The following MSL3 variants were observed in gnomAD, a reference collection of about 807,000 sequenced individuals.
MSL3 encodes MSL3-like 1.
A neutral mutation model predicts 37.2 loss-of-function variants in MSL3; 5 were observed. That is an observed-to-expected ratio of 0.13 (90% confidence interval 0.07 to 0.28). MSL3 has a LOEUF of 0.28. Among genes scored for constraint, MSL3 ranks in the 10% least tolerant of loss-of-function variants. The pLI, the probability that MSL3 is intolerant of heterozygous loss-of-function variation, is 1.00. For missense variants in MSL3, 315 were observed against 408.5 expected (o/e 0.77, Z 1.97); for synonymous variants, 149 against 147.6 (o/e 1.01, Z -0.07).
intron 10 of MSL3, among the ~76,000 whole-genome samples, chrX:11,769,959 C>T (rs113981378): frequency 0.075 from 8,409 of 112,036 alleles, 503 homozygotes; most frequent in African/African-American, 0.21. Context: ...TTCTTCCAGA[C>T]GATAACTGTC....
chrX:11,765,317 G>A (rs762730796), intron 8 of MSL3, 150 bp from the exon 9 acceptor site: 8 of 578,205 alleles, frequency 1.4e-5, no homozygotes, highest in East Asian at 7.0e-5. Context: ...TAATGCCAGC[G>A]TGCCTTGCAG....
At chrX:11,772,391 A>C (rs2053239970) in intron 11 of MSL3, 136 bp downstream of exon 11, 10 of 527,244 alleles carry the variant, frequency 1.9e-5, no homozygotes, top group South Asian at 3.5e-5. Context: ...AAAGTAATCT[A>C]TCAAAGAAAA....
chrX:11,769,828 A>G (rs1323740919), intron 10 of MSL3, among the ~76,000 whole-genome samples: 1 of 111,124 alleles, frequency 9.0e-6, no homozygotes, highest in Non-Finnish European at 1.9e-5. Flanking sequence ...CTGGTCACCA[A>G]CTCCTGAGCT....
rs930572009 is a variant in MSL3, at chrX:11,759,804, T to C, written c.114T>C (p.Val38=). 8.3e-7 allele frequency: 1 copy of C among 1,210,161 alleles called. No individual in the cohort carries two copies. Among genetic ancestry groups the C allele is most frequent in the Non-Finnish European group, 1.1e-6 (1 of 894,803 alleles). ...TTTCTTCGTTTCAGATTGTTGATGT[T>C]ATTGTTGGGAAAGACGAAAAAGGCA... ...RVLYDAKIVD[V]IVGKDEKGRK... The change falls in exon 2 of 13, where the codon GTT becomes GTC. Residue 38 remains valine, a synonymous_variant. Transcript: ENST00000312196.
chrX:11,770,962 C>T (rs5935160), intron 10 of MSL3, among the ~76,000 whole-genome samples: 16,094 of 111,560 alleles, frequency 0.14, 899 homozygotes, highest in Middle Eastern at 0.2. Flanking sequence ...GATGCTGGAA[C>T]GATCCCTTCC....
In MSL3 at chrX:11,772,312, C is replaced by T. The variant is rs781669370; in HGVS notation, c.1381+57C>T. On this transcript the variant is annotated intron_variant, in intron 11 of 12. Coordinates refer to ENST00000312196, the MANE Select transcript of MSL3 (RefSeq NM_078629.4). ...TTTTCATTTTGTATTCTCTTGTTAG[C>T]TTTCTGTACACCTTGTGGTTTGGGC... The T allele has an allele frequency of 1.0e-5, 10 of 969,464 alleles. No individual in the cohort carries two copies. The Middle Eastern group carries it at 8.0e-4, about 77-fold the overall frequency. 79.9% of individuals were successfully genotyped at this position (969,464 alleles called of 1,213,427 possible).
chrX:11,758,421 G>C, intron 1 of MSL3, 56 bp downstream of exon 1: 1 of 935,429 alleles, frequency 1.1e-6, no homozygotes, highest in Non-Finnish European at 1.4e-6. Context: ...GGGACCGGGG[G>C]CGGGGGCGGG....
chrX:11,770,569 C>T (rs2053224101), intron 10 of MSL3, among the ~76,000 whole-genome samples: 1 of 111,188 alleles, frequency 9.0e-6, no homozygotes, highest in Non-Finnish European at 1.9e-5. Flanking sequence ...CACCTTCTTA[C>T]GTACGTCTAC....
At chrX:11,771,458 C>T (rs1231289730) in intron 10 of MSL3, among the ~76,000 whole-genome samples, 4 of 112,652 alleles carry the variant, frequency 3.6e-5, no homozygotes, top group Non-Finnish European at 5.6e-5. Context: ...AATTCGTTTC[C>T]ATAATGAATC....
chrX:11,771,026 A>G (rs2053228194), intron 10 of MSL3, among the ~76,000 whole-genome samples: 1 of 112,413 alleles, frequency 8.9e-6, no homozygotes, highest in African/African-American at 3.2e-5. Flanking sequence ...CCTAGGCGAG[A>G]GTCTAGGCCT....
chrX:11,764,839 C>G (rs1345691249), intron 8 of MSL3, among the ~76,000 whole-genome samples: 1 of 111,863 alleles, frequency 8.9e-6, no homozygotes, highest in African/African-American at 3.3e-5. Context: ...TTGGTAGCTT[C>G]TCTCTCTCCT....
intron 9 of MSL3, 120 bp from the exon 10 acceptor site, chrX:11,768,453 C>T (rs531867551): frequency 1.1e-5 from 5 of 470,347 alleles, no homozygotes; most frequent in Admixed American, 7.7e-5. Context: ...AAAGTCTTAT[C>T]GTTAAAGGTT....
intron 1 of MSL3, among the ~76,000 whole-genome samples, chrX:11,759,368 C>A (rs1451273097): frequency 8.9e-6 from 1 of 111,754 alleles, no homozygotes; most frequent in Non-Finnish European, 1.9e-5. Flanking sequence ...GGGCACGCCC[C>A]ATCATTAGTT....
In MSL3 at chrX:11,763,928, A is replaced by G. The variant is rs749941803; in HGVS notation, c.898A>G (p.Ser300Gly). The G allele has an allele frequency of 5.0e-6, 6 of 1,204,567 alleles. No individual in the cohort carries two copies. The highest frequency in any genetic ancestry group is 3.5e-5 in the African/African-American group (2 of 57,235). Residue 300 changes from serine (S) to glycine (G), a missense_variant, in exon 8 of 13, where the codon AGC becomes GGC. By Grantham distance (56) the Ser-to-Gly change is moderately conservative (BLOSUM62 0). Transcript: ENST00000312196. ...FFLPIKESAT[S>G]TNRSQEELSP... ...TCTTCCAATTAAGGAAAGTGCCACA[A>G]GCACTAACAGGTAAGTTATATAGCC...
rs754319818 is a variant in MSL3, at chrX:11,763,912, T to C, written c.882T>C (p.Ile294=). The C allele has an allele frequency of 4.1e-6, 5 of 1,209,127 alleles. No homozygotes were observed. The South Asian group carries it at 8.9e-5, about 21-fold the overall frequency. The change falls in exon 8 of 13, where the codon ATT becomes ATC. Residue 294 remains isoleucine (I), a synonymous_variant. Coordinates refer to ENST00000312196, the MANE Select transcript of MSL3 (RefSeq NM_078629.4). ...CTTCGTCTAAATTTTTTCTTCCAAT[T>C]AAGGAAAGTGCCACAAGCACTAACA... ...KVTSSKFFLP[I]KESATSTNRS...
Position 11,762,978 on chromosome X carries a change from T to C in MSL3, c.730T>C (p.Tyr244His), listed in dbSNP as rs1352655713. The change falls in exon 7 of 13, where the codon TAT (tyrosine) becomes CAT (histidine). Residue 244 changes from tyrosine to histidine, a missense_variant. Tyr to His is a moderately conservative substitution (Grantham distance 83). Coordinates refer to ENST00000312196, the MANE Select transcript of MSL3 (RefSeq NM_078629.4). ...GCCACATGCCAACATGAACGTGCAT[T>C]ATATCCCAGCAGAAAAGAAGTGAGT... ...VMPHANMNVH[Y>H]IPAEKNVDLC... The C allele has an allele frequency of 8.3e-7, 1 of 1,205,790 alleles. No individual in the cohort carries two copies. Among genetic ancestry groups the C allele is most frequent in the East Asian group, 3.0e-5 (1 of 33,589 alleles).
Position 11,775,463 on chromosome X carries a change from G to C in MSL3, c.*384G>C, listed in dbSNP as rs964618602. On this transcript the variant is annotated 3_prime_UTR_variant, in exon 13 of 13. Coordinates refer to ENST00000312196, the MANE Select transcript of MSL3 (RefSeq NM_078629.4). Reference sequence around the variant, plus strand: ...TTTTGCAAATTGGTTTTATTTTTTTGATGAAGCCGAGCAACTCTGTCCAAA... The same window carrying C: ...TTTTGCAAATTGGTTTTATTTTTTTCATGAAGCCGAGCAACTCTGTCCAAA... 1 of 121,843 alleles carries C rather than the reference G, an allele frequency of 8.2e-6. No homozygotes were observed. The highest frequency in any genetic ancestry group is 1.7e-5 in the Non-Finnish European group (1 of 59,948). 10.0% of individuals were successfully genotyped at this position (121,843 alleles called of 1,213,427 possible). A position where few individuals can be genotyped will look rare whatever the true frequency, so the allele number is the denominator to read the frequency against.
At chrX:11,766,307 C>T (rs2053182687) in intron 9 of MSL3, 1 of 754,136 alleles carries the variant, frequency 1.3e-6, no homozygotes, top group African/African-American at 2.3e-5. Flanking sequence ...TTCCAAAATA[C>T]ACACAGGTTG....
chrX:11,765,449 A>T lies in MSL3; in HGVS notation c.909-18A>T. On this transcript the variant is annotated intron_variant, in intron 8 of 12. Coordinates refer to ENST00000312196, the MANE Select transcript of MSL3 (RefSeq NM_078629.4). ...AAAGGCCCTTTGAGCCATGTGTGAC[A>T]TCCTCCATCTTCCCTAGGAGCCAGG... 1 of 1,170,419 alleles carries T rather than the reference A, an allele frequency of 8.5e-7. No individual in the cohort carries two copies.
Sources: allele counts gnomAD v4.1 joint callset (sites outside exome capture counted in the v4.1 genomes callset), GRCh38; gene constraint gnomAD v4.1.1; transcripts MANE v1.5; gene names NCBI Gene and HGNC (gene_info 2026-07-23, HGNC 2026-07-21).